Variants in TRPM3 observed in about 807,000 individuals in gnomAD.
TRPM3 encodes transient receptor potential cation channel subfamily M member 3.
TRPM3 carries 77 observed loss-of-function variants against 181.2 expected under a neutral mutation model. That is an observed-to-expected ratio of 0.42 (90% CI 0.35 to 0.51). The LOEUF (loss-of-function observed/expected upper bound fraction) is 0.51, where lower values mean the gene tolerates loss of function less well. Ranked by LOEUF, TRPM3 falls within the 20% of genes least tolerant of loss-of-function variation. TRPM3 has a pLI of 0.01. For synonymous variants in TRPM3, 745 were observed against 796.4 expected, an observed-to-expected ratio of 0.94 and a Z score of 1.09; for missense variants, 1,759 against 2,196.7, an observed-to-expected ratio of 0.80 and a Z score of 3.98.
chr9:71,344,906 G>C (rs186312557), intron 1 of TRPM3, among the ~76,000 whole-genome samples: 1 of 152,058 alleles, frequency 6.6e-6, no homozygotes. Context: ...AAATTAAAAA[G>C]TGGCAAAAGA....
At chr9:70,564,649 GTGCCTGGA>G (rs1400215952) in intron 22 of TRPM3, among the ~76,000 whole-genome samples, 1 of 152,182 alleles carries the variant, frequency 6.6e-6, no homozygotes, top group Non-Finnish European at 1.5e-5. Flanking sequence ...AGGGCTCTCT[GTGCCTGGA>G]AGGATCAGTC....
chr9:70,645,085 C>T (rs966650066), intron 9 of TRPM3, among the ~76,000 whole-genome samples: 11 of 152,198 alleles, frequency 7.2e-5, no homozygotes, highest in African/African-American at 2.4e-4. Context: ...AAAAACATTC[C>T]TTGCTCCTGG....
At chr9:71,248,706 C>T (rs35748852) in intron 1 of TRPM3, among the ~76,000 whole-genome samples, 7,607 of 152,216 alleles carry the variant, frequency 0.05, 203 homozygotes, top group East Asian at 0.11. Flanking sequence ...CCCAGTCAGC[C>T]AAGACACTTT....
At chr9:71,334,377 T>C (rs994284352) in intron 1 of TRPM3, among the ~76,000 whole-genome samples, 3 of 151,788 alleles carry the variant, frequency 2.0e-5, no homozygotes, top group African/African-American at 4.8e-5. Flanking sequence ...CATACATGAG[T>C]TGCAAACCGC....
intron 6 of TRPM3, among the ~76,000 whole-genome samples, chr9:70,787,763 C>CTTTTTTTTTTTTTTTTTTTTTTGGTTT (rs2084089646): frequency 5.8e-5 from 4 of 68,560 alleles, no homozygotes; most frequent in South Asian, 8.5e-4. Context: ...TTTTTGGATT[C>CTTTTTTTTTTTTTTTTTTTTTTGGTTT]TTTTTTTTTT....
At chr9:70,944,545 T>A (rs1194982997) in intron 1 of TRPM3, among the ~76,000 whole-genome samples, 1 of 152,156 alleles carries the variant, frequency 6.6e-6, no homozygotes, top group Non-Finnish European at 1.5e-5. Flanking sequence ...ATATTGTCCC[T>A]TTAAGACCTC....
Position 70,908,022 on chromosome 9 carries a change from G to A in TRPM3, c.178-43511C>T, listed in dbSNP as rs115451089. Among the ~76,000 whole-genome samples the A allele has an allele frequency of 5.4e-3, 827 of 152,138 alleles. 7 individuals carry two copies. The highest frequency in any genetic ancestry group is 0.048 in the South Asian group (232 of 4,814). ...ATAGTGCTTCAATAAACATACTAGT[G>A]CAGGTATACTTTTGGGAGGACAATT... On this transcript the variant is annotated intron_variant, in intron 1 of 25. Transcript: ENST00000677713.
At chr9:70,975,084 G>A (rs1202218196) in intron 1 of TRPM3, among the ~76,000 whole-genome samples, 1 of 151,974 alleles carries the variant, frequency 6.6e-6, no homozygotes, top group Middle Eastern at 3.2e-3. Context: ...GGCAAGGCTA[G>A]TCTTGAACTC....
chr9:71,264,365 A>G (rs1029691331), intron 1 of TRPM3, among the ~76,000 whole-genome samples: 2 of 152,214 alleles, frequency 1.3e-5, no homozygotes, highest in Non-Finnish European at 1.5e-5. Context: ...AGTAGATAAC[A>G]AAAGTGAATG....
chr9:71,347,030 G>C (rs1489668147), intron 1 of TRPM3, among the ~76,000 whole-genome samples: 1 of 152,228 alleles, frequency 6.6e-6, no homozygotes, highest in African/African-American at 2.4e-5. Flanking sequence ...CCCAAAAGGG[G>C]AGGGAGCTTC....
intron 1 of TRPM3, among the ~76,000 whole-genome samples, chr9:71,436,893 C>T (rs780844460): frequency 6.6e-6 from 1 of 152,182 alleles, no homozygotes; most frequent in South Asian, 2.1e-4. Flanking sequence ...AAACTTAACA[C>T]GATGCCCAAC....
rs749342180 is a variant in TRPM3 at position 70,784,209 on chromosome 9, C to T, written c.1044G>A (p.Leu348=). ...EGGPNVISIV[L]EYLRDTPPVP... ...CGGGAGGGGTGTCTCGAAGGTACTC[C>T]AAAACAATCGAGATCACATTGGGTC... is the stretch of plus-strand genomic sequence containing the variant. Residue 348 remains leucine, a synonymous_variant, in exon 7 of 26, where the codon TTG becomes TTA. Transcript: ENST00000677713. 1.9e-6 allele frequency: 3 copies of T among 1,613,628 alleles called. No homozygotes were observed. The highest frequency in any genetic ancestry group is 1.1e-5 in the South Asian group (1 of 91,024).
At chr9:71,144,350 T>C (rs2075293671) in intron 1 of TRPM3, among the ~76,000 whole-genome samples, 2 of 152,186 alleles carry the variant, frequency 1.3e-5, no homozygotes, top group South Asian at 2.1e-4. Flanking sequence ...TTAATCCTAC[T>C]TTTTGCTCAT....
upstream of TRPM3, among the ~76,000 whole-genome samples, chr9:71,124,752 C>T (rs1587503767): frequency 6.6e-6 from 1 of 152,090 alleles, no homozygotes; most frequent in Non-Finnish European, 1.5e-5. Flanking sequence ...TAGTATTGTA[C>T]CACTTTGCAC....
intron 9 of TRPM3, among the ~76,000 whole-genome samples, chr9:70,649,409 G>A (rs1036411623): frequency 6.6e-6 from 1 of 151,968 alleles, no homozygotes; most frequent in Non-Finnish European, 1.5e-5. Flanking sequence ...AGTTGGTCTC[G>A]AACTCCTGAC....
chr9:70,552,882 TTCC>T lies in TRPM3; in HGVS notation c.3533_3535del (p.Arg1178del). 1 of 1,614,218 alleles carries T rather than the reference TTCC, an allele frequency of 6.2e-7. No homozygotes were observed. Among genetic ancestry groups the T allele is most frequent in the Non-Finnish European group, 8.5e-7 (1 of 1,180,030 alleles). ...CCTTTCATCCGGGTCGCTCTCGTGT[TTCC>T]TCCATCGGCAGCACAGGTGCTGGAA... On this transcript the variant is annotated inframe_deletion, in exon 24 of 26. Coordinates refer to ENST00000677713, the MANE Select transcript of TRPM3 (RefSeq NM_001366145.2).
chr9:71,197,968 A>T (rs1426074265), intron 1 of TRPM3, among the ~76,000 whole-genome samples: 3 of 150,980 alleles, frequency 2.0e-5, no homozygotes, highest in South Asian at 2.1e-4. Flanking sequence ...CTGAATGGTA[A>T]TGCCTAGGTT....
intron 22 of TRPM3, among the ~76,000 whole-genome samples, chr9:70,558,447 A>G (rs1361458617): frequency 6.6e-6 from 1 of 152,168 alleles, no homozygotes; most frequent in Admixed American, 6.5e-5. Flanking sequence ...AATGGCATGG[A>G]AAGATTGGAA....
At position 71,335,957 on chromosome 9, in the gene TRPM3, C is replaced by T. The variant is rs1232139534; in HGVS notation, c.183+110696G>A. ...CATGGAGTCCGTGAGATTGATCAGT[C>T]CAGGAGAAAAATATTCAAAGGTGTT... On this transcript the variant is annotated intron_variant, in intron 1 of 24. Transcript: ENST00000357533. 3.3e-5 allele frequency among the ~76,000 whole-genome samples: 5 copies of T among 152,012 alleles called. No homozygotes were observed. In the East Asian group the frequency reaches 9.7e-4, roughly 29 times the overall value.
Sources: allele counts gnomAD v4.1 joint callset (sites outside exome capture counted in the v4.1 genomes callset), GRCh38; gene constraint gnomAD v4.1.1; transcripts MANE v1.5; gene names NCBI Gene and HGNC (gene_info 2026-07-23, HGNC 2026-07-21).